Variants in ST7 observed in about 807,000 individuals in gnomAD.
ST7 encodes the protein suppressor of tumorigenicity 7 protein.
Under a neutral mutation model 78.7 loss-of-function variants are expected in ST7, and 28 were observed. The observed-to-expected ratio is 0.36, with a 90% CI of 0.26 to 0.49. ST7 has a LOEUF of 0.49. Ranked by LOEUF, ST7 falls within the 20% of genes least tolerant of loss-of-function variation. The probability of loss-of-function intolerance (pLI) is 0.99; values close to 1 mark genes in which losing one functional copy is unlikely to be tolerated. For missense variants in ST7, 418 were observed against 696.0 expected (o/e 0.60, Z 4.49); for synonymous variants, 247 against 249.6 (o/e 0.99, Z 0.10).
intron 1 of ST7, among the ~76,000 whole-genome samples, chr7:117,063,692 TA>T (rs1324447706): frequency 6.6e-6 from 1 of 152,090 alleles, no homozygotes; most frequent in African/African-American, 2.4e-5. Context: ...CTGGGCAACA[TA>T]GCAAGACCCG....
At chr7:116,970,514 C>A (rs911719984) in intron 1 of ST7, among the ~76,000 whole-genome samples, 1 of 152,170 alleles carries the variant, frequency 6.6e-6, no homozygotes, top group Non-Finnish European at 1.5e-5. Flanking sequence ...TGTGTCCTCA[C>A]ATGGAAGAGA....
At chr7:117,224,567 T>C (rs967181826) in intron 15 of ST7, among the ~76,000 whole-genome samples, 2 of 152,216 alleles carry the variant, frequency 1.3e-5, no homozygotes, top group African/African-American at 4.8e-5. Flanking sequence ...CTGTTAAACA[T>C]TTTTAGAGCA....
At chr7:117,153,551 A>G (rs1419267933) in intron 9 of ST7, among the ~76,000 whole-genome samples, 1 of 152,226 alleles carries the variant, frequency 6.6e-6, no homozygotes, top group African/African-American at 2.4e-5. Flanking sequence ...TTGTGTCATG[A>G]AATCCATAGC....
chr7:116,957,447 C>G (rs1203369349), intron 1 of ST7, among the ~76,000 whole-genome samples: 2 of 152,090 alleles, frequency 1.3e-5, no homozygotes, highest in Non-Finnish European at 1.5e-5. Flanking sequence ...ATCCTCCCAC[C>G]TCAGCCTCCC....
intron 10 of ST7, among the ~76,000 whole-genome samples, chr7:117,179,703 TG>T (rs1307356285): frequency 8.2e-4 from 75 of 91,096 alleles, no homozygotes; most frequent in Middle Eastern, 6.0e-3. Flanking sequence ...GCTGGGGGTG[TG>T]GGGGGGTAGG....
intron 1 of ST7, among the ~76,000 whole-genome samples, chr7:117,002,982 C>A (rs1033308218): frequency 6.6e-6 from 1 of 151,278 alleles, no homozygotes; most frequent in South Asian, 2.1e-4. Flanking sequence ...ACAACCGTGC[C>A]CAGCTAATTT....
chr7:117,105,143 G>T (rs2116840562), intron 2 of ST7, among the ~76,000 whole-genome samples: 1 of 152,292 alleles, frequency 6.6e-6, no homozygotes, highest in East Asian at 1.9e-4. Flanking sequence ...TTTCAGTGAT[G>T]AAAAAGAATG....
At chr7:117,183,150 G>A (rs1195555773) in intron 10 of ST7, among the ~76,000 whole-genome samples, 1 of 152,064 alleles carries the variant, frequency 6.6e-6, no homozygotes, top group Non-Finnish European at 1.5e-5. Flanking sequence ...TATTGGCTAG[G>A]TGCGGTGGCT....
chr7:116,972,780 C>T lies in ST7; in HGVS notation c.151+19089C>T, dbSNP rs1318690240. On this transcript the variant is annotated intron_variant, in intron 1 of 15. Coordinates refer to ENST00000323984, the MANE Select transcript of ST7 (RefSeq NM_001369598.1). ...TCAAGGAGGCCACCTCAGCCTCAGC[C>T]TGTTCCTGGGAACACCTTTCTCCCT... The T allele has an allele frequency of 5.9e-5, 56 of 948,144 alleles. No individual in the cohort carries two copies. In the East Asian group the frequency reaches 1.3e-3, roughly 23 times the overall value. 58.7% of individuals were successfully genotyped at this position (948,144 alleles called of 1,614,324 possible). A position where few individuals can be genotyped will look rare whatever the true frequency, so the allele number is the denominator to read the frequency against.
chr7:116,974,292 C>CTTTTT (rs888429847), intron 1 of ST7, among the ~76,000 whole-genome samples: 1 of 143,984 alleles, frequency 6.9e-6, no homozygotes. Context: ...CTTTTCTTTT[C>CTTTTT]TTTTTTTTTT....
chr7:117,062,580 T>TA (rs1798415582), intron 1 of ST7, among the ~76,000 whole-genome samples: 1 of 152,358 alleles, frequency 6.6e-6, no homozygotes, highest in African/African-American at 2.4e-5. Context: ...TTCATGTGTT[T>TA]ATTTTTTTCC....
intron 1 of ST7, among the ~76,000 whole-genome samples, chr7:117,070,697 T>C (rs1353173000): frequency 2.6e-5 from 4 of 151,724 alleles, no homozygotes; most frequent in Non-Finnish European, 4.4e-5. Flanking sequence ...CCCGCCACCA[T>C]GCCCTGCTAA....
At chr7:117,006,289 C>T (rs1795155098) in intron 1 of ST7, among the ~76,000 whole-genome samples, 1 of 152,214 alleles carries the variant, frequency 6.6e-6, no homozygotes, top group Non-Finnish European at 1.5e-5. Context: ...TTCACTCTTT[C>T]CTTCTTACCA....
chr7:117,194,809 C>T (rs38892), intron 12 of ST7, among the ~76,000 whole-genome samples: 77,145 of 151,972 alleles, frequency 0.51, 19,935 homozygotes, highest in East Asian at 0.71. Flanking sequence ...GAGATTTACA[C>T]TGGGGTGGGC....
At chr7:117,160,502 A>T (rs947948423) in intron 9 of ST7, among the ~76,000 whole-genome samples, 1 of 151,592 alleles carries the variant, frequency 6.6e-6, no homozygotes, top group Non-Finnish European at 1.5e-5. Flanking sequence ...GCTGCTCTTG[A>T]CTTCTATAAT....
chr7:117,155,596 T>C (rs1030164235), intron 9 of ST7, among the ~76,000 whole-genome samples: 8 of 152,212 alleles, frequency 5.3e-5, no homozygotes, highest in African/African-American at 1.4e-4. Context: ...GCCCTACCCT[T>C]GGTTCATAGG....
intron 1 of ST7, among the ~76,000 whole-genome samples, chr7:116,970,550 G>A (rs899133908): frequency 1.3e-5 from 2 of 152,122 alleles, no homozygotes; most frequent in Non-Finnish European, 2.9e-5. Context: ...AAGCTTTCTC[G>A]TGTCTCTTCT....
At position 117,230,098 on chromosome 7, in the gene ST7, C is replaced by G. The variant is rs763053809; in HGVS notation, c.*241C>G. ...TCAAAAATAAAACTTTTGTGTATTACAGCAATCATTTGTATCCTCCTGTGT... is the reference window on the plus strand; with the variant it reads ...TCAAAAATAAAACTTTTGTGTATTAGAGCAATCATTTGTATCCTCCTGTGT... On this transcript the variant is annotated 3_prime_UTR_variant, in exon 16 of 16. Transcript: ENST00000323984. 1 of 674,646 alleles carries G rather than the reference C, an allele frequency of 1.5e-6. No individual in the cohort carries two copies. The allele number at this position is 674,646 out of a possible 1,614,324, so 41.8% of individuals were successfully genotyped here. A position where few individuals can be genotyped will look rare whatever the true frequency, so the allele number is the denominator to read the frequency against.
intron 12 of ST7, among the ~76,000 whole-genome samples, chr7:117,200,841 A>AAAG (rs1810776707): frequency 1.3e-5 from 2 of 151,488 alleles, no homozygotes; most frequent in Non-Finnish European, 2.9e-5. Flanking sequence ...TTTTAAAAAA[A>AAAG]AAAGAAAGCT....
Sources: allele counts gnomAD v4.1 joint callset (sites outside exome capture counted in the v4.1 genomes callset), GRCh38; gene constraint gnomAD v4.1.1; transcripts MANE v1.5; gene names NCBI Gene and HGNC (gene_info 2026-07-23, HGNC 2026-07-21).